The following PPP4R1 variants were observed in gnomAD, a reference collection of about 807,000 sequenced individuals.
PPP4R1 encodes the protein serine/threonine-protein phosphatase 4 regulatory subunit 1.
In PPP4R1, 42 loss-of-function variants were observed where a neutral mutation model predicts 111.2. That is an observed-to-expected ratio of 0.38 (90% CI 0.29 to 0.49). The LOEUF (loss-of-function observed/expected upper bound fraction) is 0.49, where lower values mean the gene tolerates loss of function less well. PPP4R1 is among the 20% of genes least tolerant of loss of function. The pLI, the probability that PPP4R1 is intolerant of heterozygous loss-of-function variation, is 0.97. For missense variants in PPP4R1, 1,012 were observed against 1,161.6 expected, an observed-to-expected ratio of 0.87 and a Z score of 1.87; for synonymous variants, 409 against 405.5, an observed-to-expected ratio of 1.01 and a Z score of -0.10.
At chr18:9,558,947 CG>C (rs1248449073) in intron 14 of PPP4R1, among the ~76,000 whole-genome samples, 2 of 152,084 alleles carry the variant, frequency 1.3e-5, no homozygotes, top group Non-Finnish European at 2.9e-5. Context: ...GCAAGAACCA[CG>C]GAACTTCTCC....
intron 13 of PPP4R1, among the ~76,000 whole-genome samples, chr18:9,561,224 AT>A (rs1296551393): frequency 1.1e-5 from 1 of 89,108 alleles, no homozygotes; most frequent in Non-Finnish European, 2.2e-5. Flanking sequence ...ATCTCTAATA[AT>A]AATAATAATA....
intron 4 of PPP4R1, among the ~76,000 whole-genome samples, chr18:9,592,625 G>C (rs929850144): frequency 2.7e-5 from 4 of 147,618 alleles, no homozygotes; most frequent in Middle Eastern, 3.3e-3. Flanking sequence ...CATTTACTAT[G>C]AATTTACCAA....
intron 13 of PPP4R1, among the ~76,000 whole-genome samples, chr18:9,559,888 A>C (rs1392451021): frequency 6.6e-6 from 1 of 152,236 alleles, no homozygotes; most frequent in African/African-American, 2.4e-5. Context: ...GAAAAGACAT[A>C]TTAAAATAAC....
At chr18:9,572,649 T>C (rs535315151) in intron 10 of PPP4R1, among the ~76,000 whole-genome samples, 66 of 152,340 alleles carry the variant, frequency 4.3e-4, no homozygotes, top group Non-Finnish European at 9.0e-4. Flanking sequence ...AGGAGGGTGA[T>C]GTTAATGCCT....
Position 9,614,464 on chromosome 18 carries a change from A to T in PPP4R1, c.7+14T>A, listed in dbSNP as rs1031742345. The T allele has an allele frequency of 3.3e-5, 34 of 1,029,034 alleles. No individual in the cohort carries two copies. Among genetic ancestry groups the T allele is most frequent in the Non-Finnish European group, 4.0e-5 (34 of 859,592 alleles). The allele number at this position is 1,029,034 out of a possible 1,614,324, so 63.7% of individuals were successfully genotyped here. Reference sequence around the variant, plus strand: ...GAGGAGCCGCCGCCGCCCGGAGAACAGGGGGCCACGTACCCGCCATCTTGT... The same window carrying T: ...GAGGAGCCGCCGCCGCCCGGAGAACTGGGGGCCACGTACCCGCCATCTTGT... On this transcript the variant is annotated intron_variant, in intron 1 of 19. Coordinates refer to ENST00000400556, the MANE Select transcript of PPP4R1 (RefSeq NM_001042388.3). This position sits in a 1 kb window ranked among gnomAD's most constrained non-coding sequence, Gnocchi z 4.1.
intron 13 of PPP4R1, among the ~76,000 whole-genome samples, chr18:9,560,611 G>T (rs1029575656): frequency 2.6e-5 from 4 of 152,110 alleles, no homozygotes; most frequent in African/African-American, 9.7e-5. Context: ...ATTAAAATGA[G>T]ATTTGAAATA....
chr18:9,557,042 A>T, intron 15 of PPP4R1, 179 bp downstream of exon 15: 1 of 533,450 alleles, frequency 1.9e-6, no homozygotes, highest in Non-Finnish European at 3.2e-6. Context: ...ATACTGTTTT[A>T]AAAGTGAGAG....
At chr18:9,583,690 T>C (rs999043458) in intron 8 of PPP4R1, among the ~76,000 whole-genome samples, 13 of 152,266 alleles carry the variant, frequency 8.5e-5, no homozygotes, top group Admixed American at 7.8e-4. Context: ...TGTTGGATTG[T>C]CTTAAAAAGT....
At position 9,588,735 on chromosome 18, in the gene PPP4R1, T is replaced by A; in HGVS notation, c.414A>T (p.Arg138Ser). The A allele has an allele frequency of 1.2e-6, 2 of 1,612,678 alleles. No individual in the cohort carries two copies. Among genetic ancestry groups the A allele is most frequent in the Non-Finnish European group, 1.7e-6 (2 of 1,178,842 alleles). The change falls in exon 5 of 20, where the codon AGA becomes AGT. Residue 138 changes from arginine (R) to serine (S), a missense_variant. By Grantham distance (110) the Arg-to-Ser change is moderately radical (BLOSUM62 -1). Around this residue, in one of 2 missense-constraint regions of PPP4R1, gnomAD observed 707 missense variants for 742.1 expected, o/e 0.95. Transcript: ENST00000400556. ...FSKFLLPIVV[R>S]YLADQNNQVR... ...CCTGATTATTCTGATCTGCAAGGTA[T>A]CTAACCACAATAGGTAGTAAGAATT...
chr18:9,549,380 T>C (rs753785192), intron 18 of PPP4R1, 42 bp from the exon 19 acceptor site: 2 of 1,554,784 alleles, frequency 1.3e-6, no homozygotes, highest in South Asian at 1.2e-5. Context: ...TCTGTCAATG[T>C]AGCCAAAAAC....
chr18:9,600,630 T>C (rs899691238), intron 2 of PPP4R1, among the ~76,000 whole-genome samples: 1 of 151,940 alleles, frequency 6.6e-6, no homozygotes, highest in Admixed American at 6.6e-5. Flanking sequence ...TCCCAGCACT[T>C]TGGGAGGCTG....
chr18:9,568,143 C>T (rs898364061), intron 11 of PPP4R1, among the ~76,000 whole-genome samples: 2 of 152,146 alleles, frequency 1.3e-5, no homozygotes, highest in African/African-American at 2.4e-5. Context: ...CCCACCTCAG[C>T]CTTTAGAGTG....
Position 9,580,724 on chromosome 18 carries a change from G to T in PPP4R1, c.918+2393C>A, listed in dbSNP as rs886181715. Reference sequence around the variant, plus strand: ...GTGTGCTGTAGCCAAGCACACTGGGGTCTGCTCTCCCGCAGCTCCCGGGCA... The same window carrying T: ...GTGTGCTGTAGCCAAGCACACTGGGTTCTGCTCTCCCGCAGCTCCCGGGCA... On this transcript the variant is annotated intron_variant, in intron 9 of 19. Transcript: ENST00000400556. Among the ~76,000 whole-genome samples, 10 of 152,282 alleles carry T rather than the reference G, an allele frequency of 6.6e-5. No homozygotes were observed. The East Asian group carries it at 1.7e-3, about 26-fold the overall frequency.
At chr18:9,554,127 AT>A (rs529919666) in intron 15 of PPP4R1, among the ~76,000 whole-genome samples, 5,200 of 141,010 alleles carry the variant, frequency 0.037, 72 homozygotes, top group Middle Eastern at 0.049. Context: ...CAAACAACTA[AT>A]TTTTTTTTTT....
intron 10 of PPP4R1, among the ~76,000 whole-genome samples, chr18:9,572,904 T>C (rs2066883758): frequency 6.6e-6 from 1 of 152,238 alleles, no homozygotes; most frequent in Admixed American, 6.5e-5. Flanking sequence ...TACAATTGTT[T>C]ACAAGTGTGA....
At chr18:9,591,130 T>C (rs2067204542) in intron 4 of PPP4R1, among the ~76,000 whole-genome samples, 1 of 151,934 alleles carries the variant, frequency 6.6e-6, no homozygotes, top group Non-Finnish European at 1.5e-5. Context: ...GGTGGATCAC[T>C]TGAGGTCAGA....
At chr18:9,559,935 T>C (rs1384557996) in intron 13 of PPP4R1, among the ~76,000 whole-genome samples, 3 of 152,088 alleles carry the variant, frequency 2.0e-5, no homozygotes, top group Non-Finnish European at 4.4e-5. Flanking sequence ...GATGACAATG[T>C]TTGTTATAAC....
rs758360257 is a variant in PPP4R1, at chr18:9,557,359, T to C, written c.2052A>G (p.Ala684=). The C allele has an allele frequency of 1.2e-6, 2 of 1,602,926 alleles. No individual in the cohort carries two copies. The highest frequency in any genetic ancestry group is 1.1e-5 in the South Asian group (1 of 87,998). The change falls in exon 15 of 20, where the codon GCA becomes GCG. Residue 684 remains alanine (A), a synonymous_variant. Transcript: ENST00000400556. ...TAACTGCAAGCTCGTGGATGGAGAATGCTAGAGTTCGTCGAACTTTCCACT... is the reference window on the plus strand; with the variant it reads ...TAACTGCAAGCTCGTGGATGGAGAACGCTAGAGTTCGTCGAACTTTCCACT... The part of the protein sequence containing the change: ...DMQWKVRRTL[A]FSIHELAVIL...
chr18:9,570,089 A>T (rs549018633), intron 11 of PPP4R1, 68 bp downstream of exon 11: 12 of 1,456,198 alleles, frequency 8.2e-6, no homozygotes, highest in African/African-American at 2.9e-5. Context: ...CTGAAATGAA[A>T]TTTTTTTAAG....
Sources: allele counts gnomAD v4.1 joint callset (sites outside exome capture counted in the v4.1 genomes callset), GRCh38; gene constraint gnomAD v4.1.1; regional missense constraint gnomAD v4.1.1; non-coding constraint Gnocchi (gnomAD v3.1); transcripts MANE v1.5; gene names NCBI Gene and HGNC (gene_info 2026-07-23, HGNC 2026-07-21).